The following SMPD3 variants were observed in gnomAD, a reference collection of about 807,000 sequenced individuals.
SMPD3 encodes the protein sphingomyelin phosphodiesterase 3.
A neutral mutation model predicts 55.7 loss-of-function variants in SMPD3; 21 were observed. The observed-to-expected ratio is 0.38, with a 90% confidence interval of 0.27 to 0.54. The LOEUF is 0.54. SMPD3 is among the 20% of genes least tolerant of loss of function. The probability of loss-of-function intolerance (pLI) is 0.80; values close to 1 mark genes in which losing one functional copy is unlikely to be tolerated. For missense variants in SMPD3, 842 were observed against 899.6 expected (o/e 0.94, Z 0.82); for synonymous variants, 457 against 404.3 (o/e 1.13, Z -1.56).
At chr16:68,392,372 A>T (rs998438128) in intron 1 of SMPD3, among the ~76,000 whole-genome samples, 3 of 152,202 alleles carry the variant, frequency 2.0e-5, no homozygotes, top group Non-Finnish European at 4.4e-5. Flanking sequence ...TGTTTTGAAC[A>T]TGTTTAATGT....
At chr16:68,421,091 G>A (rs1303853702) in intron 1 of SMPD3, among the ~76,000 whole-genome samples, 1 of 152,176 alleles carries the variant, frequency 6.6e-6, no homozygotes, top group Non-Finnish European at 1.5e-5. Context: ...GCTCTGATGG[G>A]CTGGGTTCTA....
chr16:68,373,695 C>G (rs1442320830), intron 2 of SMPD3, among the ~76,000 whole-genome samples: 1 of 152,190 alleles, frequency 6.6e-6, no homozygotes, highest in Non-Finnish European at 1.5e-5. Context: ...CATCACGGTT[C>G]CCCAACTTTA....
intron 1 of SMPD3, among the ~76,000 whole-genome samples, chr16:68,398,733 A>G (rs2090181788): frequency 6.6e-6 from 1 of 152,222 alleles, no homozygotes; most frequent in South Asian, 2.1e-4. Flanking sequence ...TTAAAATAGA[A>G]TCTCCATGTT....
chr16:68,360,975 AATGGCACTGGTT>A lies in SMPD3; in HGVS notation c.*219_*230del. Reference sequence around the variant, plus strand: ...TTTGTAGAAAATCGTGTTGTGAAAGAATGGCACTGGTTAGGCAGCTGGAGGCTCCTGGGGCGG... The same window carrying A: ...TTTGTAGAAAATCGTGTTGTGAAAGAAGGCAGCTGGAGGCTCCTGGGGCGG... On this transcript the variant is annotated 3_prime_UTR_variant, in exon 9 of 9. Coordinates refer to ENST00000219334, the MANE Select transcript of SMPD3 (RefSeq NM_018667.4). 1.9e-6 allele frequency: 1 copy of A among 531,712 alleles called. No homozygotes were observed. Among genetic ancestry groups the A allele is most frequent in the South Asian group, 2.5e-5 (1 of 39,756 alleles). 32.9% of individuals were successfully genotyped at this position (531,712 alleles called of 1,614,324 possible).
Position 68,396,820 on chromosome 16 carries a change from G to A in SMPD3, c.-268-10161C>T, listed in dbSNP as rs763793154. Reference sequence around the variant, plus strand: ...GTGGTAAAACAAAAGAAAACAAAACGAAAATGCAAGATGGAGACTTGAAAT... The same window carrying A: ...GTGGTAAAACAAAAGAAAACAAAACAAAAATGCAAGATGGAGACTTGAAAT... On this transcript the variant is annotated intron_variant, in intron 1 of 8. Transcript: ENST00000219334. Among the ~76,000 whole-genome samples, 6 of 152,204 alleles carry A rather than the reference G, an allele frequency of 3.9e-5. No individual in the cohort carries two copies. In the East Asian group the frequency reaches 5.8e-4, roughly 15 times the overall value.
chr16:68,376,699 C>T lies in SMPD3; in HGVS notation c.-206-4312G>A, dbSNP rs895222440. On this transcript the variant is annotated intron_variant, in intron 2 of 8. Transcript: ENST00000219334. ...CCAGGTCGTCATAGGTCCTGGCAGG[C>T]CCCATGGTCACTCCTGAGCCCTGGG... is the stretch of plus-strand genomic sequence containing the variant. Among the ~76,000 whole-genome samples the T allele has an allele frequency of 2.0e-5, 3 of 152,200 alleles. No individual in the cohort carries two copies. The East Asian group carries it at 5.8e-4, about 29-fold the overall frequency.
intron 1 of SMPD3, among the ~76,000 whole-genome samples, chr16:68,389,033 A>G (rs555131886): frequency 7.2e-5 from 11 of 152,314 alleles, no homozygotes; most frequent in Admixed American, 3.9e-4. Context: ...CCTGCTCAGC[A>G]TCATCATTCA....
intron 1 of SMPD3, among the ~76,000 whole-genome samples, chr16:68,444,271 A>G (rs1439989645): frequency 6.6e-6 from 1 of 152,184 alleles, no homozygotes; most frequent in African/African-American, 2.4e-5. Flanking sequence ...GCTCTCCTCC[A>G]CAGTGATCCA....
chr16:68,428,614 C>A (rs1034771840), intron 1 of SMPD3, among the ~76,000 whole-genome samples: 1 of 152,182 alleles, frequency 6.6e-6, no homozygotes, highest in African/African-American at 2.4e-5. Flanking sequence ...GAGAAAAGGG[C>A]TTCCCAGGAA....
chr16:68,368,263 A>ACAAG (rs1349877329), intron 3 of SMPD3: 1 of 149,738 alleles, frequency 6.7e-6, no homozygotes, highest in African/African-American at 2.5e-5. Flanking sequence ...TGGGACCAAG[A>ACAAG]CAAGCAGGGG....
chr16:68,395,196 G>A (rs1408594053), intron 1 of SMPD3, among the ~76,000 whole-genome samples: 2 of 152,060 alleles, frequency 1.3e-5, no homozygotes, highest in African/African-American at 2.4e-5. Context: ...CCAAAAGTCA[G>A]TATTGATTGA....
At chr16:68,402,373 G>T (rs930796835) in intron 1 of SMPD3, among the ~76,000 whole-genome samples, 1 of 152,170 alleles carries the variant, frequency 6.6e-6, no homozygotes, top group Admixed American at 6.5e-5. Context: ...GTCATAATCT[G>T]AGGACAAGCA....
intron 7 of SMPD3, among the ~76,000 whole-genome samples, chr16:68,363,181 G>A (rs868441214): frequency 2.0e-4 from 2 of 10,142 alleles, no homozygotes; most frequent in Admixed American, 1.1e-3. Flanking sequence ...GGCCTGGCCC[G>A]GGGGAAATTC....
intron 1 of SMPD3, among the ~76,000 whole-genome samples, chr16:68,413,083 CTT>C: frequency 6.6e-6 from 1 of 152,234 alleles, no homozygotes; most frequent in Non-Finnish European, 1.5e-5. Context: ...GGCTCAAGTC[CTT>C]GGCCTGGGGC....
chr16:68,425,560 A>T (rs1452551890), intron 1 of SMPD3, among the ~76,000 whole-genome samples: 1 of 152,070 alleles, frequency 6.6e-6, no homozygotes, highest in Non-Finnish European at 1.5e-5. Flanking sequence ...GGCCCTAAGG[A>T]GCCAGAGTCA....
At chr16:68,417,966 A>G (rs193141122) in intron 1 of SMPD3, among the ~76,000 whole-genome samples, 1 of 152,304 alleles carries the variant, frequency 6.6e-6, no homozygotes, top group East Asian at 1.9e-4. Context: ...TGCATCACAT[A>G]ATTATTCTGA....
chr16:68,361,381 T>TC, intron 8 of SMPD3, 74 bp from the exon 9 acceptor site: 1 of 1,495,608 alleles, frequency 6.7e-7, no homozygotes, highest in Non-Finnish European at 9.1e-7. Context: ...GGCCTGGGGA[T>TC]CCCCAAAGTG....
chr16:68,402,193 A>G (rs1597648183), intron 1 of SMPD3, among the ~76,000 whole-genome samples: 1 of 152,150 alleles, frequency 6.6e-6, no homozygotes, highest in African/African-American at 2.4e-5. Flanking sequence ...TTATACTTGT[A>G]GTATTCTGCC....
chr16:68,364,458 G>A (rs540366219), intron 5 of SMPD3: 20 of 371,698 alleles, frequency 5.4e-5, no homozygotes, highest in South Asian at 1.6e-4. Flanking sequence ...GCGGCGCCCC[G>A]TTGATGGGTG....
Sources: gnomAD v4.1 joint callset for allele counts (sites outside exome capture counted in the v4.1 genomes callset) on GRCh38, gnomAD v4.1.1 for gene constraint, MANE v1.5 for transcripts, NCBI Gene and HGNC (gene_info 2026-07-23, HGNC 2026-07-21) for gene names.